The following MARS1 variants were observed in gnomAD, a reference collection of about 807,000 sequenced individuals.
MARS1 encodes the protein methionyl-tRNA synthetase 1, also known as methionine--tRNA ligase, cytoplasmic.
MARS1 carries 80 observed loss-of-function variants against 119.5 expected under a neutral mutation model. The ratio of observed to expected loss-of-function variants is 0.67; its 90% CI spans 0.56 to 0.81. The LOEUF is 0.81. MARS1 is among the 30% of genes least tolerant of loss of function. The pLI, the probability that MARS1 is intolerant of heterozygous loss-of-function variation, is 0.00. For missense variants in MARS1, 945 were observed against 1,116.5 expected, an observed-to-expected ratio of 0.85 and a Z score of 2.19; for synonymous variants, 418 against 433.4, an observed-to-expected ratio of 0.96 and a Z score of 0.44.
intron 11 of MARS1, 188 bp from the exon 12 acceptor site, chr12:57,511,510 T>G (rs138378324): frequency 8.2e-6 from 5 of 608,772 alleles, no homozygotes; most frequent in Non-Finnish European, 1.4e-5. Context: ...CCAGGAGGTT[T>G]AGGCTGCAGT....
intron 11 of MARS1, among the ~76,000 whole-genome samples, chr12:57,510,009 T>C (rs1161492591): frequency 6.6e-6 from 1 of 152,098 alleles, no homozygotes; most frequent in Non-Finnish European, 1.5e-5. Flanking sequence ...GCCAAGTGTG[T>C]TCAAACAAAA....
chr12:57,510,560 T>C (rs997470974), intron 11 of MARS1, among the ~76,000 whole-genome samples: 2 of 151,770 alleles, frequency 1.3e-5, no homozygotes, highest in African/African-American at 2.4e-5. Flanking sequence ...TGCTTGAGCC[T>C]TGGAGTTTAA....
chr12:57,498,134 T>C, intron 7 of MARS1, 23 bp from the exon 8 acceptor site: 2 of 1,528,916 alleles, frequency 1.3e-6, no homozygotes, highest in Non-Finnish European at 1.8e-6. Context: ...CCATGCACTG[T>C]TCTCTTCCTC....
chr12:57,501,531 C>T (rs1168737451), intron 10 of MARS1, among the ~76,000 whole-genome samples: 1 of 151,912 alleles, frequency 6.6e-6, no homozygotes, highest in Non-Finnish European at 1.5e-5. Flanking sequence ...ACTGAAAATA[C>T]AGAAATGGCT....
intron 1 of MARS1, chr12:57,488,662 G>A (rs1388595325): frequency 9.0e-6 from 14 of 1,549,630 alleles, no homozygotes; most frequent in Non-Finnish European, 1.1e-5. Flanking sequence ...AGGTTCTCTT[G>A]TAAGTCTTCT....
chr12:57,491,916 A>G (rs1203479291), intron 7 of MARS1, among the ~76,000 whole-genome samples: 1 of 152,210 alleles, frequency 6.6e-6, no homozygotes, highest in Non-Finnish European at 1.5e-5. Flanking sequence ...CTCCGCTGTC[A>G]TGGGACTTTC....
chr12:57,516,064 C>T (rs1162499229), intron 19 of MARS1, 73 bp downstream of exon 19: 4 of 1,484,140 alleles, frequency 2.7e-6, no homozygotes, highest in African/African-American at 2.8e-5. Context: ...CCTAAGTAGT[C>T]CTCACCCATC....
At chr12:57,504,178 C>A in intron 10 of MARS1, 47 bp from the exon 11 acceptor site, 1 of 1,390,194 alleles carries the variant, frequency 7.2e-7, no homozygotes, top group Non-Finnish European at 1.0e-6. Context: ...CTGGACCCCT[C>A]CCCTGGCCTG....
rs377103623 is a variant in MARS1, at chr12:57,490,547, C to A, written c.673C>A (p.Leu225Met). The stretch of plus-strand genomic sequence containing the variant: ...TCTCCACTCTTTATAGGAGGAGGAG[C>A]TGGCTACCCTATCTGAGGAGGAGAT... Reference protein sequence around the residue: ...AVTNEPEEEELATLSEEEIAM... With the variant: ...AVTNEPEEEEMATLSEEEIAM... Residue 225 changes from leucine to methionine, a missense_variant, in exon 7 of 21, where the codon CTG becomes ATG. Physicochemically the swap from Leu to Met is conservative, Grantham distance 15. Transcript: ENST00000262027. 1.2e-6 allele frequency: 2 copies of A among 1,614,000 alleles called. No homozygotes were observed. Among genetic ancestry groups the A allele is most frequent in the Non-Finnish European group, 1.7e-6 (2 of 1,180,010 alleles).
chr12:57,503,939 G>C (rs920398625), intron 10 of MARS1: 6 of 354,340 alleles, frequency 1.7e-5, no homozygotes, highest in Non-Finnish European at 3.1e-5. Context: ...CCCTCACACA[G>C]CCAAGTACAG....
Position 57,490,540 on chromosome 12 carries a change from G to A in MARS1, c.666G>A (p.Glu222=), listed in dbSNP as rs762023955. ...GGGATTCTCTCCACTCTTTATAGGA[G>A]GAGGAGCTGGCTACCCTATCTGAGG... ...EGRAVTNEPE[E]EELATLSEEE... The change falls in exon 7 of 21, where the codon GAG becomes GAA. Residue 222 remains glutamate, a splice_region_variant and synonymous_variant. Coordinates refer to ENST00000262027, the MANE Select transcript of MARS1 (RefSeq NM_004990.4). The A allele has an allele frequency of 1.9e-6, 3 of 1,613,940 alleles. No homozygotes were observed. Among genetic ancestry groups the A allele is most frequent in the South Asian group, 2.2e-5 (2 of 91,086 alleles).
In MARS1 at chr12:57,512,049, C is replaced by T. The variant is rs2140034173; in HGVS notation, c.1581C>T (p.Ser527=). The change falls in exon 13 of 21, where the codon TCC becomes TCT. Residue 527 remains serine, a synonymous_variant. Coordinates refer to ENST00000262027, the MANE Select transcript of MARS1 (RefSeq NM_004990.4). ...VWFDATIGYL[S]ITANYTDQWE... ...TTGATGCCACTATTGGCTATCTGTC[C>T]ATCACAGCCAACTACACAGACCAGT... 6.2e-7 allele frequency: 1 copy of T among 1,614,162 alleles called. No individual in the cohort carries two copies. Among genetic ancestry groups the T allele is most frequent in the Non-Finnish European group, 8.5e-7 (1 of 1,180,026 alleles).
At chr12:57,503,608 G>T (rs1462317481) in intron 10 of MARS1, among the ~76,000 whole-genome samples, 1 of 150,722 alleles carries the variant, frequency 6.6e-6, no homozygotes, top group Non-Finnish European at 1.5e-5. Flanking sequence ...GCGGTGGCAT[G>T]ATCTTGGCTC....
chr12:57,508,505 A>G (rs1030176447), intron 11 of MARS1, among the ~76,000 whole-genome samples: 5 of 152,250 alleles, frequency 3.3e-5, no homozygotes, highest in South Asian at 2.1e-4. Context: ...CCAAAAAAAT[A>G]CGAAAACCAG....
At chr12:57,501,961 C>A (rs757035080) in intron 10 of MARS1, among the ~76,000 whole-genome samples, 8 of 152,026 alleles carry the variant, frequency 5.3e-5, no homozygotes, top group Non-Finnish European at 1.0e-4. Context: ...CCACTGCATT[C>A]CAGCCTGGGT....
intron 7 of MARS1, among the ~76,000 whole-genome samples, chr12:57,494,217 A>G (rs906813529): frequency 2.6e-5 from 4 of 151,156 alleles, no homozygotes; most frequent in Non-Finnish European, 4.4e-5. Flanking sequence ...CGGCCTCCCA[A>G]AGTGTTTGGA....
intron 11 of MARS1, among the ~76,000 whole-genome samples, chr12:57,507,737 G>A (rs1432569199): frequency 8.4e-5 from 12 of 142,950 alleles, no homozygotes; most frequent in African/African-American, 3.1e-4. Context: ...CGGACGGGGC[G>A]GCTGGCCGGG....
chr12:57,488,427 TCCGTCTTC>T (rs1256251422), intron 1 of MARS1: 1 of 824,854 alleles, frequency 1.2e-6, no homozygotes, highest in South Asian at 1.7e-5. Context: ...CCTCCCCTCT[TCCGTCTTC>T]CCGGTCCCCG....
At chr12:57,497,991 G>A (rs1300184373) in intron 7 of MARS1, among the ~76,000 whole-genome samples, 166 bp from the exon 8 acceptor site, 1 of 152,116 alleles carries the variant, frequency 6.6e-6, no homozygotes, top group African/African-American at 2.4e-5. Flanking sequence ...GGATCTTAGA[G>A]TGCCTCGGGA....
Sources: gnomAD v4.1 joint callset for allele counts (sites outside exome capture counted in the v4.1 genomes callset) on GRCh38, gnomAD v4.1.1 for gene constraint, MANE v1.5 for transcripts, NCBI Gene and HGNC (gene_info 2026-07-23, HGNC 2026-07-21) for gene names.